Variants in PLA2G4C observed in about 807,000 individuals in gnomAD.
PLA2G4C encodes the protein phospholipase A2 group IVC.
In PLA2G4C, 64 loss-of-function variants were observed where a neutral mutation model predicts 73.8. The observed-to-expected ratio is 0.87, with a 90% confidence interval of 0.71 to 1.07. The LOEUF is 1.07. Among genes scored for constraint, PLA2G4C ranks in the 50% least tolerant of loss-of-function variants. The probability of loss-of-function intolerance (pLI) is 0.00; values close to 1 mark genes in which losing one functional copy is unlikely to be tolerated. For synonymous variants in PLA2G4C, 254 were observed against 252.1 expected (o/e 1.01, Z -0.07); for missense variants, 622 against 665.4 (o/e 0.93, Z 0.72).
rs1201926934 is a variant in PLA2G4C at position 48,072,163 on chromosome 19, C to T, written c.1006+2604G>A. ...TCCATCTCAAACAAACAAACAAAAACAAAAAACAAAACAAAAAAAAGTACG... is the reference window on the plus strand; with the variant it reads ...TCCATCTCAAACAAACAAACAAAAATAAAAAACAAAACAAAAAAAAGTACG... On this transcript the variant is annotated intron_variant, in intron 12 of 16. Coordinates refer to ENST00000599921, the MANE Select transcript of PLA2G4C (RefSeq NM_003706.3). The surrounding 1 kb of genome is among the most constrained non-coding windows in gnomAD (Gnocchi z 4.4). Among the ~76,000 whole-genome samples, 2 of 151,922 alleles carry T rather than the reference C, an allele frequency of 1.3e-5. No homozygotes were observed. Among genetic ancestry groups the T allele is most frequent in the Middle Eastern group, 3.4e-3 (1 of 294 alleles).
At chr19:48,056,616 A>G (rs1205376678) in intron 14 of PLA2G4C, among the ~76,000 whole-genome samples, 1 of 151,786 alleles carries the variant, frequency 6.6e-6, no homozygotes, top group Non-Finnish European at 1.5e-5. Flanking sequence ...GTGGATCACG[A>G]GGTCAGGAGA....
chr19:48,055,514 T>C (rs1183710241), intron 14 of PLA2G4C, among the ~76,000 whole-genome samples: 2 of 151,790 alleles, frequency 1.3e-5, no homozygotes, highest in African/African-American at 4.9e-5. Context: ...ATATGTGGTA[T>C]GGGTGCATCT....
chr19:48,107,589 C>T lies in PLA2G4C; in HGVS notation c.-32-1028G>A, dbSNP rs553718273. On this transcript the variant is annotated intron_variant, in intron 1 of 16. Coordinates refer to ENST00000599921, the MANE Select transcript of PLA2G4C (RefSeq NM_003706.3). Reference sequence around the variant, plus strand: ...CCTTGGTCTAGCGGTTGCGTCAGTGCCTAGAGACCAGGAAAGGGAGTCTCC... The same window carrying T: ...CCTTGGTCTAGCGGTTGCGTCAGTGTCTAGAGACCAGGAAAGGGAGTCTCC... 3.9e-5 allele frequency among the ~76,000 whole-genome samples: 6 copies of T among 152,194 alleles called. No individual in the cohort carries two copies. In the South Asian group the frequency reaches 1.2e-3, roughly 32 times the overall value.
chr19:48,101,481 C>T (rs535053990), intron 4 of PLA2G4C, among the ~76,000 whole-genome samples: 4 of 151,932 alleles, frequency 2.6e-5, no homozygotes, highest in Non-Finnish European at 5.9e-5. Context: ...CGGGTGCTAT[C>T]TACCCTCACA....
intron 15 of PLA2G4C, 34 bp downstream of exon 15, chr19:48,054,844 G>GGT: frequency 1.9e-6 from 3 of 1,597,386 alleles, no homozygotes; most frequent in Non-Finnish European, 2.6e-6. Context: ...GACTAATACA[G>GGT]GTGGCTTCTC....
At chr19:48,058,696 T>C (rs1490527775) in intron 14 of PLA2G4C, among the ~76,000 whole-genome samples, 2 of 151,504 alleles carry the variant, frequency 1.3e-5, no homozygotes, top group Non-Finnish European at 2.9e-5. Context: ...CGGGCGCCTG[T>C]AATCCCAGCT....
rs997374754 is a variant in PLA2G4C at position 48,090,283 on chromosome 19, G to T, written c.763+81C>A. The T allele has an allele frequency of 1.3e-5, 13 of 990,366 alleles. 1 individual carries two copies. Among genetic ancestry groups the T allele is most frequent in the Admixed American group, 3.4e-5 (2 of 58,056 alleles). The allele number at this position is 990,366 out of a possible 1,614,324, so 61.3% of individuals were successfully genotyped here. A position where few individuals can be genotyped will look rare whatever the true frequency, so the allele number is the denominator to read the frequency against. On this transcript the variant is annotated intron_variant, in intron 8 of 16. Coordinates refer to ENST00000599921, the MANE Select transcript of PLA2G4C (RefSeq NM_003706.3). ...ACAATTACACACAGGTCTCTCTTCT[G>T]CCATGAGTAGGAAAAGTACTGTGAA...
chr19:48,054,849 C>T (rs1967871717), intron 15 of PLA2G4C, 29 bp downstream of exon 15: 1 of 1,605,972 alleles, frequency 6.2e-7, no homozygotes, highest in Non-Finnish European at 8.5e-7. Context: ...ATACAGGTGG[C>T]TTCTCACCTG....
chr19:48,070,636 T>C (rs751349926), intron 12 of PLA2G4C, among the ~76,000 whole-genome samples: 5 of 152,020 alleles, frequency 3.3e-5, no homozygotes, highest in Non-Finnish European at 5.9e-5. Flanking sequence ...AGCAAACTAA[T>C]GCAGGAACAG....
intron 13 of PLA2G4C, 97 bp downstream of exon 13, chr19:48,067,694 G>C: frequency 2.4e-6 from 2 of 831,474 alleles, no homozygotes; most frequent in Non-Finnish European, 4.2e-6. Context: ...TCTGGGGAAG[G>C]ACCAGCCTGG....
At chr19:48,076,743 C>CAA (rs796169841) in intron 11 of PLA2G4C, among the ~76,000 whole-genome samples, 23 of 112,098 alleles carry the variant, frequency 2.1e-4, no homozygotes, top group African/African-American at 7.3e-4. Context: ...ACTCTGTCTC[C>CAA]AAAAAAAAAA....
chr19:48,048,464 C>A lies in PLA2G4C; in HGVS notation c.1581-76G>T. The A allele has an allele frequency of 4.1e-6, 4 of 976,248 alleles. No individual in the cohort carries two copies. The South Asian group carries it at 7.0e-5, about 17-fold the overall frequency. The allele number at this position is 976,248 out of a possible 1,614,324, so 60.5% of individuals were successfully genotyped here. On this transcript the variant is annotated intron_variant, in intron 16 of 16. Transcript: ENST00000599921. ...TGCACACTGGATAAGATTAGAAGAC[C>A]TGGAAGCCTCTACAGGTCATACATG...
chr19:48,049,649 CAA>C (rs1319240658), intron 16 of PLA2G4C, among the ~76,000 whole-genome samples: 2 of 152,178 alleles, frequency 1.3e-5, no homozygotes, highest in Non-Finnish European at 2.9e-5. Flanking sequence ...CCATGGTGAG[CAA>C]AGTGATGTGG....
chr19:48,070,358 T>G (rs1355347021), intron 12 of PLA2G4C, among the ~76,000 whole-genome samples: 1 of 152,220 alleles, frequency 6.6e-6, no homozygotes, highest in East Asian at 1.9e-4. Context: ...ATCTACTCAG[T>G]TGAAGGCTTT....
chr19:48,082,616 A>T (rs1179830415), intron 10 of PLA2G4C, among the ~76,000 whole-genome samples: 1 of 146,428 alleles, frequency 6.8e-6, no homozygotes, highest in Non-Finnish European at 1.5e-5. Context: ...CCCCTGCTTC[A>T]GCCTCCCGAG....
Position 48,110,532 on chromosome 19 carries a change from G to T in PLA2G4C, c.-78C>A. ...TGTGCGCATGCGCGGTGGAGCTTGT[G>T]CTCCGGAATCCGGTGCGGAGGCTTG... On this transcript the variant is annotated 5_prime_UTR_variant, in exon 1 of 17. Transcript: ENST00000599921. 1 of 1,480,170 alleles carries T rather than the reference G, an allele frequency of 6.8e-7. No individual in the cohort carries two copies. Among genetic ancestry groups the T allele is most frequent in the Non-Finnish European group, 9.0e-7 (1 of 1,114,524 alleles). 91.7% of individuals were successfully genotyped at this position (1,480,170 alleles called of 1,614,324 possible). A position where few individuals can be genotyped will look rare whatever the true frequency, so the allele number is the denominator to read the frequency against.
chr19:48,102,213 G>A (rs8109684), intron 4 of PLA2G4C, among the ~76,000 whole-genome samples: 46,590 of 151,804 alleles, frequency 0.31, 8,103 homozygotes, highest in East Asian at 0.52. Context: ...AAAATGGGCC[G>A]GACATGGTGG....
At chr19:48,051,955 C>G (rs564965355) in intron 16 of PLA2G4C, 2 of 148,464 alleles carry the variant, frequency 1.3e-5, no homozygotes, top group East Asian at 4.0e-4. Context: ...TCATAGCTCA[C>G]TGCAGCCTCA....
intron 13 of PLA2G4C, among the ~76,000 whole-genome samples, chr19:48,067,171 T>C (rs1430202427): frequency 4.5e-5 from 5 of 111,044 alleles, no homozygotes; most frequent in African/African-American, 1.9e-4. Flanking sequence ...CAAATGTGTG[T>C]TGTTTTTTTT....
Sources: allele counts gnomAD v4.1 joint callset (sites outside exome capture counted in the v4.1 genomes callset), GRCh38; gene constraint gnomAD v4.1.1; non-coding constraint Gnocchi (gnomAD v3.1); transcripts MANE v1.5; gene names NCBI Gene and HGNC (gene_info 2026-07-23, HGNC 2026-07-21).